ACACB: variants seen among roughly 807,000 people sequenced by gnomAD.
ACACB encodes the protein acetyl-CoA carboxylase beta.
A neutral mutation model predicts 278.8 loss-of-function variants in ACACB; 209 were observed. That is an observed-to-expected ratio of 0.75 (90% confidence interval 0.67 to 0.84). ACACB has a LOEUF of 0.84. ACACB is among the 40% of genes least tolerant of loss of function. ACACB has a pLI of 0.00. For synonymous variants in ACACB, 1,174 were observed against 1,285.6 expected (o/e 0.91, Z 1.86); for missense variants, 2,850 against 3,269.0 (o/e 0.87, Z 3.13).
At position 109,224,192 on chromosome 12, in the gene ACACB, T is replaced by C. The variant is rs146049532; in HGVS notation, c.3882+288T>C. Among the ~76,000 whole-genome samples, 110 of 152,254 alleles carry C rather than the reference T, an allele frequency of 7.2e-4. 2 individuals are homozygous for C. The East Asian group carries it at 0.01, about 14-fold the overall frequency. The stretch of plus-strand genomic sequence containing the variant: ...TGCTAGTTACCACTGCTGTCTCATG[T>C]CATTCCAGCCTCTTCCAGGCAGGGC... On this transcript the variant is annotated intron_variant, in intron 27 of 52. Transcript: ENST00000338432.
At chr12:109,200,271 C>T (rs1451312013) in intron 18 of ACACB, among the ~76,000 whole-genome samples, 1 of 151,900 alleles carries the variant, frequency 6.6e-6, no homozygotes, top group Non-Finnish European at 1.5e-5. Context: ...GCAAACTCCG[C>T]CTCCCAGGCT....
chr12:109,239,379 G>C (rs2046728776), intron 34 of ACACB, among the ~76,000 whole-genome samples: 1 of 152,216 alleles, frequency 6.6e-6, no homozygotes, highest in Non-Finnish European at 1.5e-5. Context: ...AGGCAGCAGA[G>C]GGACAGAGGG....
At chr12:109,191,421 C>G in intron 13 of ACACB, 192 bp from the exon 14 acceptor site, 1 of 529,514 alleles carries the variant, frequency 1.9e-6, no homozygotes, top group Non-Finnish European at 3.3e-6. Context: ...GCCATGTTGG[C>G]CAGGCTGGTC....
chr12:109,157,272 GTTA>G (rs71079530), intron 2 of ACACB, among the ~76,000 whole-genome samples: 19 of 143,178 alleles, frequency 1.3e-4, no homozygotes, highest in Admixed American at 2.8e-4. Flanking sequence ...TTCTAGAGTT[GTTA>G]TTATTATTAT....
At position 109,266,458 on chromosome 12, in the gene ACACB, A is replaced by G; in HGVS notation, c.*96A>G. On this transcript the variant is annotated 3_prime_UTR_variant, in exon 53 of 53. Transcript: ENST00000338432. ...CAGCAGACCCTGAAGACTTGCTTTT[A>G]AACAAAGAAAATCCTGGGCACTTCT... 1 of 1,398,748 alleles carries G rather than the reference A, an allele frequency of 7.1e-7. No individual in the cohort carries two copies. Among genetic ancestry groups the G allele is most frequent in the East Asian group, 2.6e-5 (1 of 37,746 alleles). The allele number at this position is 1,398,748 out of a possible 1,614,324, so 86.6% of individuals were successfully genotyped here.
chr12:109,169,396 A>C (rs988021283), intron 4 of ACACB, among the ~76,000 whole-genome samples: 1 of 152,180 alleles, frequency 6.6e-6, no homozygotes, highest in Admixed American at 6.5e-5. Context: ...TCACACAACC[A>C]TCATGTGATG....
At chr12:109,211,646 A>G (rs909903181) in intron 21 of ACACB, among the ~76,000 whole-genome samples, 1 of 152,160 alleles carries the variant, frequency 6.6e-6, no homozygotes, top group African/African-American at 2.4e-5. Context: ...GTGCAGGGAA[A>G]ATGGAGAGTG....
At chr12:109,163,067 G>T (rs1248551767) in intron 2 of ACACB, among the ~76,000 whole-genome samples, 1 of 152,124 alleles carries the variant, frequency 6.6e-6, no homozygotes, top group Admixed American at 6.5e-5. Context: ...GGGATTACAG[G>T]TGCACGCCAC....
chr12:109,122,685 A>G (rs1164050835), intron 1 of ACACB, among the ~76,000 whole-genome samples: 2 of 151,184 alleles, frequency 1.3e-5, no homozygotes, highest in Non-Finnish European at 2.9e-5. Flanking sequence ...GGGTACTTGC[A>G]TTGTATTTTA....
intron 2 of ACACB, among the ~76,000 whole-genome samples, chr12:109,164,686 A>C (rs1030364403): frequency 6.6e-6 from 1 of 151,540 alleles, no homozygotes; most frequent in South Asian, 2.1e-4. Flanking sequence ...CTAGGACTAC[A>C]GGCAGGTGCC....
intron 6 of ACACB, among the ~76,000 whole-genome samples, chr12:109,172,717 G>A (rs922044961): frequency 1.1e-4 from 16 of 152,316 alleles, no homozygotes; most frequent in African/African-American, 3.8e-4. Context: ...CACTGTTGGT[G>A]GGAGTGTAAA....
chr12:109,247,244 C>T (rs760033181), intron 39 of ACACB, among the ~76,000 whole-genome samples: 3 of 151,540 alleles, frequency 2.0e-5, no homozygotes, highest in Non-Finnish European at 2.9e-5. Context: ...TGCCCACTAC[C>T]CCCAAGAAGA....
chr12:109,152,129 A>G (rs1485435497), intron 2 of ACACB, among the ~76,000 whole-genome samples: 1 of 152,204 alleles, frequency 6.6e-6, no homozygotes, highest in African/African-American at 2.4e-5. Context: ...AAGTGAGAAT[A>G]TCTATACAGT....
At chr12:109,194,843 A>G (rs2045057918) in intron 16 of ACACB, among the ~76,000 whole-genome samples, 1 of 152,092 alleles carries the variant, frequency 6.6e-6, no homozygotes, top group Admixed American at 6.6e-5. Flanking sequence ...CAACCCCTAT[A>G]GAATGTGAGC....
In ACACB at chr12:109,210,267, G is replaced by GTATA. The variant is rs1565927629; in HGVS notation, c.3249+916_3249+917insTATA. On this transcript the variant is annotated intron_variant, in intron 21 of 52. Coordinates refer to ENST00000338432, the MANE Select transcript of ACACB (RefSeq NM_001093.4). Reference sequence around the variant, plus strand: ...TATATATACACACATGTGTGTATATGTACATATACACACACATATCTGTGT... The same window carrying GTATA: ...TATATATACACACATGTGTGTATATGTATATACATATACACACACATATCTGTGT... Among the ~76,000 whole-genome samples, 5 of 44,788 alleles carry GTATA rather than the reference G, an allele frequency of 1.1e-4. 1 individual carries two copies. The highest frequency in any genetic ancestry group is 1.6e-4 in the Non-Finnish European group (4 of 24,774). 29.4% of individuals were successfully genotyped at this position (44,788 alleles called of 152,430 possible). A position where few individuals can be genotyped will look rare whatever the true frequency, so the allele number is the denominator to read the frequency against.
chr12:109,155,163 G>A (rs2043496320), intron 2 of ACACB, among the ~76,000 whole-genome samples: 1 of 152,172 alleles, frequency 6.6e-6, no homozygotes, highest in South Asian at 2.1e-4. Flanking sequence ...CGTTGGGGGT[G>A]ACGTTGCTTG....
intron 27 of ACACB, among the ~76,000 whole-genome samples, chr12:109,226,325 G>A (rs890382176): frequency 1.1e-4 from 17 of 152,044 alleles, no homozygotes; most frequent in African/African-American, 3.9e-4. Flanking sequence ...TATTTCTGTT[G>A]GACAGCACTG....
intron 32 of ACACB, 80 bp from the exon 33 acceptor site, chr12:109,235,526 A>G (rs1487770986): frequency 6.9e-7 from 1 of 1,454,322 alleles, no homozygotes; most frequent in African/African-American, 1.4e-5. Context: ...GTAATCGTTT[A>G]CAATCACTAA....
Position 109,245,739 on chromosome 12 carries a change from T to C in ACACB, c.5292T>C (p.Gly1764=). Residue 1764 remains glycine (G), a synonymous_variant, in exon 38 of 53, where the codon GGT becomes GGC. Coordinates refer to ENST00000338432, the MANE Select transcript of ACACB (RefSeq NM_001093.4). Reference sequence around the variant, plus strand: ...TGGTGGAGATGAACCGACTTCCTGGTGGAAATGAGGTAATAGCTCAGCGGA... The same window carrying C: ...TGGTGGAGATGAACCGACTTCCTGGCGGAAATGAGGTAATAGCTCAGCGGA... ...GQLVEMNRLP[G]GNEVGMVAFK... 6.2e-7 allele frequency: 1 copy of C among 1,613,886 alleles called. No homozygotes were observed. Among genetic ancestry groups the C allele is most frequent in the Non-Finnish European group, 8.5e-7 (1 of 1,179,932 alleles).
Sources: gnomAD v4.1 joint callset for allele counts (sites outside exome capture counted in the v4.1 genomes callset) on GRCh38, gnomAD v4.1.1 for gene constraint, MANE v1.5 for transcripts, NCBI Gene and HGNC (gene_info 2026-07-23, HGNC 2026-07-21) for gene names.